Variants in SFXN5 observed in about 807,000 individuals in gnomAD.
SFXN5 encodes the protein sideroflexin-5.
In SFXN5, 43 loss-of-function variants were observed where a neutral mutation model predicts 50.2. The observed-to-expected ratio is 0.86, with a 90% CI of 0.67 to 1.11. The LOEUF (loss-of-function observed/expected upper bound fraction) is 1.11. SFXN5 is among the 50% of genes least tolerant of loss of function. The probability of loss-of-function intolerance (pLI) is 0.00; values close to 1 mark genes in which losing one functional copy is unlikely to be tolerated. For missense variants in SFXN5, 463 were observed against 454.1 expected (o/e 1.02, Z -0.18); for synonymous variants, 203 against 185.8 (o/e 1.09, Z -0.75).
intron 13 of SFXN5, among the ~76,000 whole-genome samples, chr2:72,947,092 T>A (rs768904340): frequency 2.6e-5 from 4 of 152,222 alleles, no homozygotes; most frequent in Non-Finnish European, 5.9e-5. Flanking sequence ...TCCCCTACGC[T>A]GGGCGTGGCC....
chr2:72,986,422 G>A (rs938294598), intron 10 of SFXN5, among the ~76,000 whole-genome samples: 2 of 152,132 alleles, frequency 1.3e-5, no homozygotes, highest in Non-Finnish European at 2.9e-5. Context: ...ACTGGTACCC[G>A]CCTTTTACAG....
intron 3 of SFXN5, among the ~76,000 whole-genome samples, chr2:73,040,161 CTT>C (rs1679437470): frequency 6.6e-6 from 1 of 152,130 alleles, no homozygotes; most frequent in Non-Finnish European, 1.5e-5. Flanking sequence ...GCACACATGA[CTT>C]TGAAAATGTT....
chr2:73,041,510 T>C, intron 2 of SFXN5: 1 of 265,842 alleles, frequency 3.8e-6, no homozygotes, highest in African/African-American at 2.2e-5. Flanking sequence ...ACCAACATGG[T>C]GAAACCCTGT....
intron 10 of SFXN5, among the ~76,000 whole-genome samples, chr2:72,974,781 C>A (rs1169820724): frequency 6.6e-6 from 1 of 151,792 alleles, no homozygotes; most frequent in East Asian, 1.9e-4. Context: ...TGATCCTTCC[C>A]ATCCCACTCC....
At chr2:72,966,841 C>T (rs1323572659) in intron 12 of SFXN5, among the ~76,000 whole-genome samples, 1 of 152,220 alleles carries the variant, frequency 6.6e-6, no homozygotes, top group Non-Finnish European at 1.5e-5. Flanking sequence ...TGGCCAAGTT[C>T]ACACACTGCC....
chr2:73,047,287 T>TATATATATATATATATACACAC (rs1680590674), intron 2 of SFXN5, among the ~76,000 whole-genome samples: 1 of 97,312 alleles, frequency 1.0e-5, no homozygotes, highest in Admixed American at 1.2e-4. Context: ...CACACATATA[T>TATATATATATATATATACACAC]ATATATATAT....
At chr2:72,968,645 C>T in intron 11 of SFXN5, 112 bp from the exon 12 acceptor site, 1 of 896,964 alleles carries the variant, frequency 1.1e-6, no homozygotes. Context: ...TCTGAATGGC[C>T]TTATTCATGG....
At chr2:73,017,262 T>C (rs1279670854) in intron 6 of SFXN5, among the ~76,000 whole-genome samples, 1 of 152,028 alleles carries the variant, frequency 6.6e-6, no homozygotes, top group East Asian at 1.9e-4. Flanking sequence ...GAGAAGGAGG[T>C]AGCAGGGATA....
intron 6 of SFXN5, among the ~76,000 whole-genome samples, chr2:73,011,644 C>T (rs1675512698): frequency 6.6e-6 from 1 of 151,920 alleles, no homozygotes; most frequent in Non-Finnish European, 1.5e-5. Flanking sequence ...ATACAAATCA[C>T]CAATAAATAG....
chr2:73,053,164 A>C lies in SFXN5; in HGVS notation c.171+5364T>G, dbSNP rs1251724712. 6.7e-5 allele frequency among the ~76,000 whole-genome samples: 10 copies of C among 149,184 alleles called. No homozygotes were observed. The Admixed American group carries it at 6.8e-4, about 10-fold the overall frequency. On this transcript the variant is annotated intron_variant, in intron 2 of 13. Coordinates refer to ENST00000272433, the MANE Select transcript of SFXN5 (RefSeq NM_144579.3). The stretch of plus-strand genomic sequence containing the variant: ...ACTCCAGCCTGGGCAACAGAGTAAG[A>C]CTCTGCCTCGAAAAAAAAAAAAAGG...
intron 2 of SFXN5, among the ~76,000 whole-genome samples, chr2:73,050,133 T>C (rs958618510): frequency 6.6e-6 from 1 of 152,118 alleles, no homozygotes; most frequent in Admixed American, 6.5e-5. Context: ...CCCACCCCCA[T>C]GGCTTTGCCA....
intron 2 of SFXN5, among the ~76,000 whole-genome samples, chr2:73,045,022 G>A (rs1056886839): frequency 6.6e-6 from 1 of 152,190 alleles, no homozygotes; most frequent in Non-Finnish European, 1.5e-5. Flanking sequence ...GGAAAGCTGA[G>A]GAAGAGTCAT....
At chr2:73,027,463 A>G (rs940320578) in intron 3 of SFXN5, among the ~76,000 whole-genome samples, 1 of 152,216 alleles carries the variant, frequency 6.6e-6, no homozygotes, top group Non-Finnish European at 1.5e-5. Flanking sequence ...AGCTAAGGTT[A>G]ATTTATTTTG....
In SFXN5 at chr2:72,960,540, C is replaced by G. The variant is rs532078270; in HGVS notation, c.945+591G>C. ...TCTGGAGCTCTAACCCAGCCCCACG[C>G]GGCAGCACAGGGGCCGCTCAGAATC... On this transcript the variant is annotated intron_variant, in intron 13 of 13. Coordinates refer to ENST00000272433, the MANE Select transcript of SFXN5 (RefSeq NM_144579.3). The surrounding 1 kb of genome is among the most constrained non-coding windows in gnomAD (Gnocchi z 6.1). Among the ~76,000 whole-genome samples, 1 of 152,108 alleles carries G rather than the reference C, an allele frequency of 6.6e-6. No individual in the cohort carries two copies. Among genetic ancestry groups the G allele is most frequent in the Non-Finnish European group, 1.5e-5 (1 of 68,022 alleles).
At chr2:73,046,117 G>C (rs1486994214) in intron 2 of SFXN5, among the ~76,000 whole-genome samples, 1 of 152,090 alleles carries the variant, frequency 6.6e-6, no homozygotes, top group Non-Finnish European at 1.5e-5. Flanking sequence ...AAAACTAAAA[G>C]CGATATGTTG....
rs550208185 is a variant in SFXN5, at chr2:73,059,753, C to T, written c.103-1157G>A. The T allele has an allele frequency of 1.2e-5, 12 of 979,970 alleles. 1 individual carries two copies. In the South Asian group the frequency reaches 5.2e-4, roughly 43 times the overall value. The allele number at this position is 979,970 out of a possible 1,614,324, so 60.7% of individuals were successfully genotyped here. A position where few individuals can be genotyped will look rare whatever the true frequency, so the allele number is the denominator to read the frequency against. ...CCTCTCTAACCTCTTATAATCCACA[C>T]AGCCCAGACCATTTTCCCATTAAAG... On this transcript the variant is annotated intron_variant, in intron 1 of 13. Transcript: ENST00000272433.
chr2:73,020,085 G>A (rs1676666424), intron 6 of SFXN5, 154 bp downstream of exon 6: 2 of 678,294 alleles, frequency 2.9e-6, no homozygotes, highest in South Asian at 2.0e-5. Context: ...AAGAGATGTG[G>A]TAAGAAATAC....
At chr2:73,051,728 A>G (rs1370244190) in intron 2 of SFXN5, among the ~76,000 whole-genome samples, 1 of 152,216 alleles carries the variant, frequency 6.6e-6, no homozygotes, top group Non-Finnish European at 1.5e-5. Flanking sequence ...ATTTACAAAG[A>G]ACAGAAATTT....
At chr2:73,056,787 G>A (rs1205388596) in intron 2 of SFXN5, among the ~76,000 whole-genome samples, 1 of 152,160 alleles carries the variant, frequency 6.6e-6, no homozygotes, top group Non-Finnish European at 1.5e-5. Flanking sequence ...AGCAAGTGTT[G>A]GTGAGGAAGT....
Sources: allele counts gnomAD v4.1 joint callset (sites outside exome capture counted in the v4.1 genomes callset), GRCh38; gene constraint gnomAD v4.1.1; non-coding constraint Gnocchi (gnomAD v3.1); transcripts MANE v1.5; gene names NCBI Gene and HGNC (gene_info 2026-07-23, HGNC 2026-07-21).